Variants in KCNQ1OT1 observed in about 807,000 individuals in gnomAD.
The protein encoded by KCNQ1OT1 is KCNQ1 opposite strand/antisense transcript 1.
Position 2,681,518 on chromosome 11 carries a change from A to T in KCNQ1OT1, n.18477T>A. On this transcript the variant is annotated non_coding_transcript_exon_variant, in exon 1 of 1. Transcript: ENST00000597346. ...TAGTAAAGTCAAACTGGTCCAGGTT[A>T]AGCCAGCCCATGATGCCTGGAAGGA... The T allele has an allele frequency of 7.5e-6, 3 of 398,458 alleles. No individual in the cohort carries two copies. The East Asian group carries it at 1.1e-4, about 14-fold the overall frequency. 24.7% of individuals were successfully genotyped at this position (398,458 alleles called of 1,614,324 possible).
chr11:2,697,434 A>T (rs1276829872), exon 1 of KCNQ1OT1: 1 of 398,562 alleles, frequency 2.5e-6, no homozygotes, highest in Non-Finnish European at 4.4e-6. Flanking sequence ...CCTACTCCTT[A>T]TCTTAAAGAG....
rs779736137 is a variant in KCNQ1OT1 at position 2,687,362 on chromosome 11, G to C, written n.12633C>G. 9 of 398,540 alleles carry C rather than the reference G, an allele frequency of 2.3e-5. No homozygotes were observed. Among genetic ancestry groups the C allele is most frequent in the Non-Finnish European group, 3.5e-5 (8 of 226,108 alleles). 24.7% of individuals were successfully genotyped at this position (398,540 alleles called of 1,614,324 possible). On this transcript the variant is annotated non_coding_transcript_exon_variant, in exon 1 of 1. Transcript: ENST00000597346. The surrounding 1 kb of genome is among the most constrained non-coding windows in gnomAD (Gnocchi z 5.0). Reference sequence around the variant, plus strand: ...AGGCTGAGGTAGCCAGGTCTGCCTTGGGCTGTCACTCAGGGCTGAGCTCTG... The same window carrying C: ...AGGCTGAGGTAGCCAGGTCTGCCTTCGGCTGTCACTCAGGGCTGAGCTCTG...
chr11:2,663,519 G>A lies in KCNQ1OT1; in HGVS notation n.36476C>T, dbSNP rs1850007160. On this transcript the variant is annotated non_coding_transcript_exon_variant, in exon 1 of 1. Coordinates refer to ENST00000597346, the Ensembl canonical transcript of KCNQ1OT1. This position sits in a 1 kb window ranked among gnomAD's most constrained non-coding sequence, Gnocchi z 5.2. ...GTGGCAGTGCCTGTATTGCCTCTTG[G>A]CTGTCCCCTCAGAGAGGGGACTGTC... The A allele has an allele frequency of 1.3e-5, 5 of 398,476 alleles. No individual in the cohort carries two copies. Among genetic ancestry groups the A allele is most frequent in the Admixed American group, 8.8e-5 (2 of 22,718 alleles). The allele number at this position is 398,476 out of a possible 1,614,324, so 24.7% of individuals were successfully genotyped here. A position where few individuals can be genotyped will look rare whatever the true frequency, so the allele number is the denominator to read the frequency against.
At chr11:2,696,684 C>G (rs1325059727) in exon 1 of KCNQ1OT1, 2 of 398,462 alleles carry the variant, frequency 5.0e-6, no homozygotes, top group African/African-American at 4.1e-5. Context: ...TTGCCCTGTT[C>G]AAGAAAATAA....
chr11:2,660,725 C>A, exon 1 of KCNQ1OT1: 1 of 398,644 alleles, frequency 2.5e-6, no homozygotes, highest in Non-Finnish European at 4.4e-6. Context: ...CTTCATTCAA[C>A]ACTTCATTCA....
Position 2,669,752 on chromosome 11 carries a change from G to T in KCNQ1OT1, n.30243C>A, listed in dbSNP as rs1429974892. 2.5e-6 allele frequency: 1 copy of T among 398,674 alleles called. No individual in the cohort carries two copies. The highest frequency in any genetic ancestry group is 3.6e-5 in the East Asian group (1 of 28,076). The allele number at this position is 398,674 out of a possible 1,614,324, so 24.7% of individuals were successfully genotyped here. A position where few individuals can be genotyped will look rare whatever the true frequency, so the allele number is the denominator to read the frequency against. ...ATGCCTGAAAATATTAGCCAGCATA[G>T]AATGTCTCTTTGTGATGGGAGATCC... On this transcript the variant is annotated non_coding_transcript_exon_variant, in exon 1 of 1. Coordinates refer to ENST00000597346, the Ensembl canonical transcript of KCNQ1OT1. This position sits in a 1 kb window ranked among gnomAD's most constrained non-coding sequence, Gnocchi z 5.6.
rs182146051 is a variant in KCNQ1OT1 at position 2,617,530 on chromosome 11, G to A, written n.82465C>T. The A allele has an allele frequency of 7.0e-5, 28 of 398,376 alleles. No homozygotes were observed. The highest frequency in any genetic ancestry group is 6.3e-4 in the Middle Eastern group (1 of 1,586). 24.7% of individuals were successfully genotyped at this position (398,376 alleles called of 1,614,324 possible). On this transcript the variant is annotated non_coding_transcript_exon_variant, in exon 1 of 1. Transcript: ENST00000597346. This position sits in a 1 kb window ranked among gnomAD's most constrained non-coding sequence, Gnocchi z 4.6. ...ATAATGCCACAATGAATATAGGAGC[G>A]CAGATATCTTTATGAGGTGGAGATT... is the stretch of plus-strand genomic sequence containing the variant.
chr11:2,643,063 ATACT>A (rs1051714752), exon 1 of KCNQ1OT1: 4 of 397,918 alleles, frequency 1.0e-5, no homozygotes, highest in Non-Finnish European at 1.8e-5. Flanking sequence ...ATTTAAAATC[ATACT>A]TAGTGTCCTA....
chr11:2,667,728 A>T, exon 1 of KCNQ1OT1: 2 of 398,746 alleles, frequency 5.0e-6, no homozygotes, highest in Admixed American at 4.4e-5. Flanking sequence ...TGTCCCCTTA[A>T]GTGAGGGAGT....
Position 2,674,403 on chromosome 11 carries a change from G to C in KCNQ1OT1, n.25592C>G. The C allele has an allele frequency of 2.5e-6, 1 of 398,544 alleles. No individual in the cohort carries two copies. The highest frequency in any genetic ancestry group is 3.6e-5 in the East Asian group (1 of 28,048). The allele number at this position is 398,544 out of a possible 1,614,324, so 24.7% of individuals were successfully genotyped here. A position where few individuals can be genotyped will look rare whatever the true frequency, so the allele number is the denominator to read the frequency against. On this transcript the variant is annotated non_coding_transcript_exon_variant, in exon 1 of 1. Transcript: ENST00000597346. The surrounding 1 kb of genome is among the most constrained non-coding windows in gnomAD (Gnocchi z 5.9). Reference sequence around the variant, plus strand: ...AGGGAAGGTGCATGCGTGCGTGTGTGTGTGCGCGCCCGCGCGCACACGACC... The same window carrying C: ...AGGGAAGGTGCATGCGTGCGTGTGTCTGTGCGCGCCCGCGCGCACACGACC...
Position 2,651,968 on chromosome 11 carries a change from G to C in KCNQ1OT1, n.48027C>G, listed in dbSNP as rs991444370. 7.5e-6 allele frequency: 3 copies of C among 398,598 alleles called. No homozygotes were observed. Among genetic ancestry groups the C allele is most frequent in the Admixed American group, 4.4e-5 (1 of 22,720 alleles). 24.7% of individuals were successfully genotyped at this position (398,598 alleles called of 1,614,324 possible). Reference sequence around the variant, plus strand: ...CAGCCAGCAGCAGTGGGGGAGCCAAGCTGAGTTGATTACTTTTGACATCAG... The same window carrying C: ...CAGCCAGCAGCAGTGGGGGAGCCAACCTGAGTTGATTACTTTTGACATCAG... On this transcript the variant is annotated non_coding_transcript_exon_variant, in exon 1 of 1. Coordinates refer to ENST00000597346, the Ensembl canonical transcript of KCNQ1OT1. The surrounding 1 kb of genome is among the most constrained non-coding windows in gnomAD (Gnocchi z 6.1).
In KCNQ1OT1 at chr11:2,671,346, T is replaced by C; in HGVS notation, n.28649A>G. On this transcript the variant is annotated non_coding_transcript_exon_variant, in exon 1 of 1. Transcript: ENST00000597346. This position sits in a 1 kb window ranked among gnomAD's most constrained non-coding sequence, Gnocchi z 4.7. ...CAGCCTCAGAGGCTCCCTCTGAAGA[T>C]GACACTGGGAATATCCTGAAAAAGG... 2 of 398,542 alleles carry C rather than the reference T, an allele frequency of 5.0e-6. No homozygotes were observed. Among genetic ancestry groups the C allele is most frequent in the Non-Finnish European group, 8.8e-6 (2 of 226,050 alleles). The allele number at this position is 398,542 out of a possible 1,614,324, so 24.7% of individuals were successfully genotyped here. A position where few individuals can be genotyped will look rare whatever the true frequency, so the allele number is the denominator to read the frequency against.
rs1850309879 is a variant in KCNQ1OT1, at chr11:2,677,267, G to C, written n.22728C>G. ...CAAAGTAAAGAGGAACTTATAAAGA[G>C]GAACTGTAAATCTTGTCAAAATAGG... On this transcript the variant is annotated non_coding_transcript_exon_variant, in exon 1 of 1. Transcript: ENST00000597346. This position sits in a 1 kb window ranked among gnomAD's most constrained non-coding sequence, Gnocchi z 4.5. 2.5e-6 allele frequency: 1 copy of C among 398,272 alleles called. No homozygotes were observed. The highest frequency in any genetic ancestry group is 2.1e-5 in the African/African-American group (1 of 48,444). 24.7% of individuals were successfully genotyped at this position (398,272 alleles called of 1,614,324 possible).
Position 2,611,727 on chromosome 11 carries a change from A to C in KCNQ1OT1, n.88268T>G, listed in dbSNP as rs1848982034. 2.5e-6 allele frequency: 1 copy of C among 398,406 alleles called. No individual in the cohort carries two copies. The highest frequency in any genetic ancestry group is 1.3e-4 in the South Asian group (1 of 7,858). The allele number at this position is 398,406 out of a possible 1,614,324, so 24.7% of individuals were successfully genotyped here. ...TATGTAATATAATTATTGATATGGA[A>C]GGATTTATATCTACCATGTTGTTAT... On this transcript the variant is annotated non_coding_transcript_exon_variant, in exon 1 of 1. Coordinates refer to ENST00000597346, the Ensembl canonical transcript of KCNQ1OT1. This position sits in a 1 kb window ranked among gnomAD's most constrained non-coding sequence, Gnocchi z 5.3.
At chr11:2,633,764 T>C (rs907882303) in exon 1 of KCNQ1OT1, 36 of 398,486 alleles carry the variant, frequency 9.0e-5, no homozygotes, top group African/African-American at 2.5e-4. Flanking sequence ...TTGGTTACCA[T>C]TGTTTTGTAT....
Position 2,682,300 on chromosome 11 carries a change from C to A in KCNQ1OT1, n.17695G>T, listed in dbSNP as rs1850411315. 5.0e-6 allele frequency: 2 copies of A among 398,504 alleles called. No individual in the cohort carries two copies. Among genetic ancestry groups the A allele is most frequent in the Admixed American group, 8.8e-5 (2 of 22,712 alleles). The allele number at this position is 398,504 out of a possible 1,614,324, so 24.7% of individuals were successfully genotyped here. A position where few individuals can be genotyped will look rare whatever the true frequency, so the allele number is the denominator to read the frequency against. ...TGGGCTGTAAAAAATCACATACCTC[C>A]CCTCCCATTCTTAATGTGTAACTGT... On this transcript the variant is annotated non_coding_transcript_exon_variant, in exon 1 of 1. Transcript: ENST00000597346. The surrounding 1 kb of genome is among the most constrained non-coding windows in gnomAD (Gnocchi z 5.8).
exon 1 of KCNQ1OT1, chr11:2,616,970 T>C: frequency 2.5e-6 from 1 of 398,254 alleles, no homozygotes; most frequent in Non-Finnish European, 4.4e-6. Context: ...TGTGTTTTTT[T>C]TTTTTAATTT....
exon 1 of KCNQ1OT1, chr11:2,672,920 C>T: frequency 2.5e-6 from 1 of 398,754 alleles, no homozygotes. Context: ...CTTGGGCTGG[C>T]CATGCAGGCC....
Position 2,627,210 on chromosome 11 carries a change from T to C in KCNQ1OT1, n.72785A>G, listed in dbSNP as rs1849275105. On this transcript the variant is annotated non_coding_transcript_exon_variant, in exon 1 of 1. Transcript: ENST00000597346. This position sits in a 1 kb window ranked among gnomAD's most constrained non-coding sequence, Gnocchi z 4.9. The stretch of plus-strand genomic sequence containing the variant: ...CTTTTATTGAGGTATAATTGACAAA[T>C]TAAAAGTGCATATATTTAAGAACAT... 2.5e-6 allele frequency: 1 copy of C among 398,526 alleles called. No homozygotes were observed. Among genetic ancestry groups the C allele is most frequent in the East Asian group, 3.6e-5 (1 of 28,046 alleles). The allele number at this position is 398,526 out of a possible 1,614,324, so 24.7% of individuals were successfully genotyped here. A position where few individuals can be genotyped will look rare whatever the true frequency, so the allele number is the denominator to read the frequency against.
Sources: allele counts gnomAD v4.1 joint callset, GRCh38; gene constraint gnomAD v4.1.1; non-coding constraint Gnocchi (gnomAD v3.1); transcripts MANE v1.5; gene names NCBI Gene and HGNC (gene_info 2026-07-23, HGNC 2026-07-21).